Variants in ASTN1 observed in about 807,000 individuals in gnomAD.
ASTN1 encodes astrotactin 1.
A neutral mutation model predicts 140.7 loss-of-function variants in ASTN1; 41 were observed. The ratio of observed to expected loss-of-function variants is 0.29; its 90% CI spans 0.23 to 0.38. ASTN1 has a LOEUF of 0.38. Among genes scored for constraint, ASTN1 ranks in the 10% least tolerant of loss-of-function variants. The pLI, the probability that ASTN1 is intolerant of heterozygous loss-of-function variation, is 1.00. For missense variants in ASTN1, 1,479 were observed against 1,678.8 expected (o/e 0.88, Z 2.08); for synonymous variants, 640 against 652.2 (o/e 0.98, Z 0.29).
chr1:177,002,383 AC>A (rs1268280402), intron 8 of ASTN1, among the ~76,000 whole-genome samples: 16 of 33,490 alleles, frequency 4.8e-4, no homozygotes, highest in Non-Finnish European at 8.2e-4. Context: ...ACAAACACAC[AC>A]ACACACACAC....
chr1:177,036,814 TTTTTTTTC>T (rs926228229), intron 2 of ASTN1, among the ~76,000 whole-genome samples: 6 of 152,012 alleles, frequency 3.9e-5, no homozygotes, highest in African/African-American at 1.2e-4. Flanking sequence ...AATTTCTTTC[TTTTTTTTC>T]TTTTTTTCTT....
chr1:176,988,269 C>T (rs1359498868), intron 8 of ASTN1, among the ~76,000 whole-genome samples: 1 of 149,412 alleles, frequency 6.7e-6, no homozygotes, highest in African/African-American at 2.5e-5. Context: ...GAACAAAGGA[C>T]CCTGCCAAAA....
At chr1:176,931,809 G>T (rs2103088106) in intron 16 of ASTN1, among the ~76,000 whole-genome samples, 1 of 152,314 alleles carries the variant, frequency 6.6e-6, no homozygotes, top group East Asian at 1.9e-4. Flanking sequence ...CTTACCATGT[G>T]CTTGGCTCTG....
intron 21 of ASTN1, among the ~76,000 whole-genome samples, chr1:176,872,769 C>T (rs868468111): frequency 6.6e-6 from 1 of 152,284 alleles, no homozygotes; most frequent in Non-Finnish European, 1.5e-5. Context: ...AATCTCTGTA[C>T]CGCTGCTCCC....
intron 21 of ASTN1, among the ~76,000 whole-genome samples, chr1:176,875,953 T>C (rs556042461): frequency 6.6e-6 from 1 of 152,154 alleles, no homozygotes; most frequent in Admixed American, 6.5e-5. Context: ...CTTTGTGCAA[T>C]GGATGTTGAC....
At chr1:177,075,334 A>C (rs1678835425) in intron 1 of ASTN1, among the ~76,000 whole-genome samples, 3 of 151,894 alleles carry the variant, frequency 2.0e-5, no homozygotes, top group African/African-American at 7.3e-5. Flanking sequence ...GGTCTCCCAA[A>C]GTGCTGGGAT....
At chr1:176,975,926 C>A (rs1387853227) in intron 8 of ASTN1, 1 of 152,084 alleles carries the variant, frequency 6.6e-6, no homozygotes, top group African/African-American at 2.4e-5. Flanking sequence ...CTTAGCTGAT[C>A]TTTATAGATG....
At chr1:177,122,138 C>A (rs1681422581) in intron 1 of ASTN1, among the ~76,000 whole-genome samples, 1 of 152,060 alleles carries the variant, frequency 6.6e-6, no homozygotes, top group Admixed American at 6.5e-5. Flanking sequence ...TCTCCTCATG[C>A]CAAAGTGGTT....
At chr1:177,138,351 T>C (rs10489308) in intron 1 of ASTN1, among the ~76,000 whole-genome samples, 24,601 of 152,158 alleles carry the variant, frequency 0.16, 4,091 homozygotes, top group African/African-American at 0.43. Context: ...GTTGGGATAA[T>C]ACACTAGCTG....
intron 7 of ASTN1, among the ~76,000 whole-genome samples, chr1:177,018,214 A>T (rs2101946258): frequency 6.6e-6 from 1 of 152,334 alleles, no homozygotes; most frequent in South Asian, 2.1e-4. Context: ...AGTGTGCCAA[A>T]AGAACATCCT....
chr1:177,162,372 A>G (rs1647431057), intron 1 of ASTN1, among the ~76,000 whole-genome samples: 3 of 152,310 alleles, frequency 2.0e-5, no homozygotes, highest in Admixed American at 1.3e-4. Context: ...TAATCGATGC[A>G]TTTAAATAGT....
At chr1:176,921,173 T>C (rs1221827450) in intron 16 of ASTN1, among the ~76,000 whole-genome samples, 1 of 152,246 alleles carries the variant, frequency 6.6e-6, no homozygotes, top group Non-Finnish European at 1.5e-5. Context: ...ACTTACCTGA[T>C]TCATTTCTTG....
intron 2 of ASTN1, among the ~76,000 whole-genome samples, chr1:177,053,255 G>A (rs892663117): frequency 6.6e-6 from 1 of 152,160 alleles, no homozygotes; most frequent in African/African-American, 2.4e-5. Context: ...CTAGATTGCT[G>A]AACAGAATAT....
chr1:177,023,386 C>T lies in ASTN1; in HGVS notation c.1438+18G>A. ...TGATCTCTCTGACAGTTACCCGCTGCCCGGTGCTCCCGCCTACCAGTTTCG... is the reference window on the plus strand; with the variant it reads ...TGATCTCTCTGACAGTTACCCGCTGTCCGGTGCTCCCGCCTACCAGTTTCG... On this transcript the variant is annotated intron_variant, in intron 7 of 22. Coordinates refer to ENST00000361833, the MANE Select transcript of ASTN1 (RefSeq NM_004319.3). 2.6e-6 allele frequency: 4 copies of T among 1,568,264 alleles called. No individual in the cohort carries two copies. The highest frequency in any genetic ancestry group is 1.9e-5 in the Admixed American group (1 of 52,630).
intron 1 of ASTN1, among the ~76,000 whole-genome samples, chr1:177,078,138 T>C (rs2205786): frequency 0.46 from 69,230 of 151,918 alleles, 17,222 homozygotes; most frequent in Non-Finnish European, 0.57. Context: ...GGTACGATGG[T>C]AGGGAAAGGA....
intron 2 of ASTN1, among the ~76,000 whole-genome samples, chr1:177,051,314 T>G (rs1048245952): frequency 6.6e-6 from 1 of 152,244 alleles, no homozygotes; most frequent in Admixed American, 6.5e-5. Context: ...ATGTACTAGA[T>G]TGAGGTCAGC....
intron 1 of ASTN1, among the ~76,000 whole-genome samples, chr1:177,104,334 C>T (rs557437995): frequency 3.3e-5 from 5 of 152,260 alleles, no homozygotes; most frequent in South Asian, 4.1e-4. Context: ...GAAACTGCTG[C>T]ATATTCCTTT....
intron 2 of ASTN1, among the ~76,000 whole-genome samples, chr1:177,051,788 G>A (rs1677554447): frequency 6.6e-6 from 1 of 152,128 alleles, no homozygotes; most frequent in African/African-American, 2.4e-5. Context: ...ATCAGTGCTG[G>A]CCATGAGCAT....
At chr1:176,944,690 C>T (rs113469578) in intron 13 of ASTN1, among the ~76,000 whole-genome samples, 2 of 152,098 alleles carry the variant, frequency 1.3e-5, no homozygotes, top group African/African-American at 4.8e-5. Context: ...GGAAATAAAC[C>T]AGCTGAAAAG....
Sources: allele counts gnomAD v4.1 joint callset (sites outside exome capture counted in the v4.1 genomes callset), GRCh38; gene constraint gnomAD v4.1.1; transcripts MANE v1.5; gene names NCBI Gene and HGNC (gene_info 2026-07-23, HGNC 2026-07-21).